The following MAP4K3 variants were observed in gnomAD, a reference collection of about 807,000 sequenced individuals.
The protein encoded by MAP4K3 is mitogen-activated protein kinase kinase kinase kinase 3, also known as MAPK/ERK kinase kinase kinase 3.
A neutral mutation model predicts 143.5 loss-of-function variants in MAP4K3; 94 were observed. The observed-to-expected ratio is 0.65, with a 90% CI of 0.55 to 0.78. The LOEUF is 0.78. Ranked by LOEUF, MAP4K3 falls within the 30% of genes least tolerant of loss-of-function variation. The pLI is 0.00. For missense variants in MAP4K3, 1,077 were observed against 1,068.1 expected, an observed-to-expected ratio of 1.01 and a Z score of -0.12; for synonymous variants, 416 against 347.2, an observed-to-expected ratio of 1.20 and a Z score of -2.20.
At chr2:39,268,485 T>G (rs1573074130) in intron 26 of MAP4K3, among the ~76,000 whole-genome samples, 1 of 151,772 alleles carries the variant, frequency 6.6e-6, no homozygotes, top group East Asian at 1.9e-4. Flanking sequence ...CATGCTCAGC[T>G]AATTTTTGTA....
intron 1 of MAP4K3, among the ~76,000 whole-genome samples, chr2:39,390,838 C>T (rs894268265): frequency 7.2e-5 from 11 of 151,788 alleles, no homozygotes; most frequent in Non-Finnish European, 1.0e-4. Context: ...AATAAAGTAA[C>T]TCAATCCACA....
intron 15 of MAP4K3, among the ~76,000 whole-genome samples, chr2:39,304,293 G>A (rs1682615408): frequency 6.6e-6 from 1 of 152,092 alleles, no homozygotes; most frequent in South Asian, 2.1e-4. Flanking sequence ...TGTTTATGTA[G>A]CAAGGTCTTT....
intron 1 of MAP4K3, among the ~76,000 whole-genome samples, chr2:39,380,951 G>C (rs1047833553): frequency 7.9e-5 from 12 of 152,036 alleles, no homozygotes; most frequent in African/African-American, 2.9e-4. Context: ...AGAAACCCCA[G>C]ACCCATTCGC....
chr2:39,306,046 T>C (rs1573124368), intron 15 of MAP4K3, among the ~76,000 whole-genome samples: 1 of 152,184 alleles, frequency 6.6e-6, no homozygotes, highest in African/African-American at 2.4e-5. Flanking sequence ...GCCAGGATGG[T>C]CTCGATCTCC....
At chr2:39,436,249 C>T (rs1346439976) in intron 1 of MAP4K3, among the ~76,000 whole-genome samples, 1 of 151,392 alleles carries the variant, frequency 6.6e-6, no homozygotes, top group African/African-American at 2.4e-5. Flanking sequence ...ATTCAAGTCA[C>T]TTTTTAAAAA....
chr2:39,337,021 T>C (rs1664988909), intron 5 of MAP4K3, 54 bp from the exon 6 acceptor site: 13 of 887,150 alleles, frequency 1.5e-5, no homozygotes, highest in Non-Finnish European at 1.8e-5. Flanking sequence ...GAGCACTCTT[T>C]TGGATTTTAT....
At chr2:39,299,141 C>A (rs1488634717) in intron 16 of MAP4K3, among the ~76,000 whole-genome samples, 2 of 152,104 alleles carry the variant, frequency 1.3e-5, no homozygotes, top group Non-Finnish European at 2.9e-5. Flanking sequence ...TGTCTCCCAT[C>A]ATACCTGGCA....
Position 39,265,225 on chromosome 2 carries a change from AT to A in MAP4K3, c.2113del (p.Met705CysfsTer6). ...SIVLLEWVEP[M>X]QKFMLIKHID... ...TACCTTAATTAACATAAATTTCTGC[AT>A]TGGTTCAACCCATTCTAATAGAACA... On this transcript the variant is annotated frameshift_variant, in exon 28 of 34. Coordinates refer to ENST00000263881, the MANE Select transcript of MAP4K3 (RefSeq NM_003618.4). LOFTEE classifies it high-confidence loss of function. 6.2e-7 allele frequency: 1 copy of A among 1,609,664 alleles called. No individual in the cohort carries two copies. The highest frequency in any genetic ancestry group is 8.5e-7 in the Non-Finnish European group (1 of 1,176,100).
At chr2:39,268,622 A>C (rs1168566382) in intron 26 of MAP4K3, among the ~76,000 whole-genome samples, 1 of 113,180 alleles carries the variant, frequency 8.8e-6, no homozygotes, top group Non-Finnish European at 1.9e-5. Context: ...TGCCCGGCTA[A>C]AGATTTTTTC....
At chr2:39,412,543 A>T (rs1667259981) in intron 1 of MAP4K3, among the ~76,000 whole-genome samples, 1 of 152,034 alleles carries the variant, frequency 6.6e-6, no homozygotes. Flanking sequence ...ATGACTTGAG[A>T]TAAGCTATTA....
intron 1 of MAP4K3, among the ~76,000 whole-genome samples, chr2:39,392,362 G>A (rs1423040315): frequency 2.6e-5 from 4 of 151,948 alleles, no homozygotes; most frequent in South Asian, 2.1e-4. Flanking sequence ...TTTATTAAGC[G>A]TGTGATACAA....
intron 2 of MAP4K3, among the ~76,000 whole-genome samples, chr2:39,368,603 G>T (rs1377062919): frequency 6.6e-6 from 1 of 151,912 alleles, no homozygotes; most frequent in Non-Finnish European, 1.5e-5. Context: ...CCAGGAGTTG[G>T]GGCTGCAGTG....
At chr2:39,409,553 A>T (rs1667184010) in intron 1 of MAP4K3, among the ~76,000 whole-genome samples, 1 of 152,198 alleles carries the variant, frequency 6.6e-6, no homozygotes, top group Admixed American at 6.6e-5. Flanking sequence ...ACATTTAAAA[A>T]CAAAACGACA....
intron 6 of MAP4K3, among the ~76,000 whole-genome samples, chr2:39,335,619 T>A (rs1664922963): frequency 6.6e-6 from 1 of 152,354 alleles, no homozygotes; most frequent in South Asian, 2.1e-4. Context: ...TGAAATGTAC[T>A]CCAACTTCCA....
chr2:39,331,746 T>C (rs1345447960), intron 8 of MAP4K3, among the ~76,000 whole-genome samples, 171 bp downstream of exon 8: 1 of 152,132 alleles, frequency 6.6e-6, no homozygotes, highest in Non-Finnish European at 1.5e-5. Flanking sequence ...CATGGTAGGA[T>C]ATTTTCTGGC....
rs151179196 is a variant in MAP4K3, at chr2:39,329,640, T to C, written c.530+2277A>G. Among the ~76,000 whole-genome samples the C allele has an allele frequency of 5.6e-4, 86 of 152,236 alleles. No individual in the cohort carries two copies. The East Asian group carries it at 0.015, about 26-fold the overall frequency. ...CTTATCCATTAAGCCCCAGCAACTA[T>C]TGCCCCCCAATTCCCACTGGATAAG... On this transcript the variant is annotated intron_variant, in intron 8 of 33. Transcript: ENST00000263881.
At chr2:39,353,778 T>G (rs578174109) in intron 3 of MAP4K3, among the ~76,000 whole-genome samples, 1 of 152,184 alleles carries the variant, frequency 6.6e-6, no homozygotes, top group African/African-American at 2.4e-5. Flanking sequence ...ATAGTAGTAG[T>G]AGCAGCGGCA....
chr2:39,416,004 T>TATATATATATATATATATAA (rs1206690314), intron 1 of MAP4K3, among the ~76,000 whole-genome samples: 36 of 76,058 alleles, frequency 4.7e-4, no homozygotes, highest in Non-Finnish European at 7.7e-4. Context: ...TATATATATA[T>TATATATATATATATATATAA]AAAAATAACA....
intron 1 of MAP4K3, among the ~76,000 whole-genome samples, chr2:39,403,297 T>A (rs1667001289): frequency 6.6e-6 from 1 of 152,120 alleles, no homozygotes; most frequent in African/African-American, 2.4e-5. Context: ...AGGTGTGCAC[T>A]CAAAGTACCT....
Sources: gnomAD v4.1 joint callset for allele counts (sites outside exome capture counted in the v4.1 genomes callset) on GRCh38, gnomAD v4.1.1 for gene constraint, MANE v1.5 for transcripts, NCBI Gene and HGNC (gene_info 2026-07-23, HGNC 2026-07-21) for gene names.